Variants in FAM135B observed in about 807,000 individuals in gnomAD.
FAM135B encodes the protein family with sequence similarity 135 member B.
A neutral mutation model predicts 127.7 loss-of-function variants in FAM135B; 43 were observed. The ratio of observed to expected loss-of-function variants is 0.34; its 90% CI spans 0.26 to 0.43. FAM135B has a LOEUF of 0.43. Among genes scored for constraint, FAM135B ranks in the 20% least tolerant of loss-of-function variants. The pLI is 1.00. For missense variants in FAM135B, 1,558 were observed against 1,725.6 expected, an observed-to-expected ratio of 0.90 and a Z score of 1.72; for synonymous variants, 670 against 665.1, an observed-to-expected ratio of 1.01 and a Z score of -0.11.
At position 138,150,624 on chromosome 8, in the gene FAM135B, C is replaced by T. The variant is rs180704220; in HGVS notation, c.3281+570G>A. ...CGGAGGCTGCAGTGAGCAGAGATTG[C>T]GTCACTGCACTCCAGCCTGGCGACA... On this transcript the variant is annotated intron_variant, in intron 13 of 19. Transcript: ENST00000395297. Among the ~76,000 whole-genome samples, 1,012 of 152,024 alleles carry T rather than the reference C, an allele frequency of 6.7e-3. 2 individuals carry two copies. Among genetic ancestry groups the T allele is most frequent in the Non-Finnish European group, 0.011 (770 of 67,988 alleles).
At chr8:138,322,039 G>A (rs1359290022) in intron 2 of FAM135B, among the ~76,000 whole-genome samples, 1 of 152,188 alleles carries the variant, frequency 6.6e-6, no homozygotes, top group Non-Finnish European at 1.5e-5. Flanking sequence ...GAACAATGGA[G>A]ACAGGCAGAC....
In FAM135B at chr8:138,151,336, C is replaced by G. The variant is rs1818123784; in HGVS notation, c.3139G>C (p.Val1047Leu). The change falls in exon 13 of 20, where the codon GTG (valine) becomes CTG (leucine). Residue 1047 changes from valine to leucine, a missense_variant. Val to Leu is a conservative substitution (Grantham distance 32). Around this residue, in one of 5 missense-constraint regions of FAM135B, gnomAD observed 923 missense variants for 865.3 expected, o/e 1.07. Coordinates refer to ENST00000395297, the MANE Select transcript of FAM135B (RefSeq NM_015912.4). ...CTATCLPFSS[V>L]PKETPARAGF... The stretch of plus-strand genomic sequence containing the variant: ...GCCCTGGCAGGGGTCTCCTTGGGCA[C>G]AGATGAGAAAGGGAGACAGGTGGCA... The G allele has an allele frequency of 1.2e-6, 2 of 1,613,968 alleles. No homozygotes were observed. The highest frequency in any genetic ancestry group is 8.5e-7 in the Non-Finnish European group (1 of 1,179,976).
intron 1 of FAM135B, among the ~76,000 whole-genome samples, chr8:138,372,534 G>A (rs981963140): frequency 6.6e-6 from 1 of 152,054 alleles, no homozygotes; most frequent in African/African-American, 2.4e-5. Context: ...AATGGCCCTG[G>A]GTGACCTTGG....
At chr8:138,200,390 T>C (rs1817015151) in intron 7 of FAM135B, among the ~76,000 whole-genome samples, 1 of 152,284 alleles carries the variant, frequency 6.6e-6, no homozygotes, top group South Asian at 2.1e-4. Flanking sequence ...GTAGAAAGTC[T>C]AGGAGGGCTT....
Position 138,394,686 on chromosome 8 carries a change from A to G in FAM135B, c.-19-26684T>C, listed in dbSNP as rs544921746. On this transcript the variant is annotated intron_variant, in intron 1 of 19. Coordinates refer to ENST00000395297, the MANE Select transcript of FAM135B (RefSeq NM_015912.4). The stretch of plus-strand genomic sequence containing the variant: ...TCCCATGTTCTGAGTCCTCTGCATG[A>G]GTTCTCTCGACCCCACAACAGGCCT... Among the ~76,000 whole-genome samples, 1,464 of 152,230 alleles carry G rather than the reference A, an allele frequency of 9.6e-3. 19 individuals carry two copies. The highest frequency in any genetic ancestry group is 0.034 in the African/African-American group (1,401 of 41,536).
In FAM135B at chr8:138,152,737, T is replaced by C. The variant is rs765411465; in HGVS notation, c.1738A>G (p.Ser580Gly). The change falls in exon 13 of 20, where the codon AGC (serine) becomes GGC (glycine). Residue 580 changes from serine (S) to glycine (G), a missense_variant. Physicochemically the swap from Ser to Gly is moderately conservative, Grantham distance 56. This residue lies in a region of FAM135B where 923 missense variants were observed against 865.3 expected (regional missense o/e 1.07). Coordinates refer to ENST00000395297, the MANE Select transcript of FAM135B (RefSeq NM_015912.4). ...TCTAATCCATACTTATCTCTAGAGC[T>C]CCTACTCTCATGCTGAGCATTGAAG... ...VAFNAQHESRSSRDKYGLDRT... is the reference protein window; with the variant it reads ...VAFNAQHESRGSRDKYGLDRT... The C allele has an allele frequency of 6.2e-7, 1 of 1,614,180 alleles. No individual in the cohort carries two copies. Among genetic ancestry groups the C allele is most frequent in the Admixed American group, 1.7e-5 (1 of 60,024 alleles).
chr8:138,478,480 G>T (rs115267552), intron 1 of FAM135B, among the ~76,000 whole-genome samples: 1 of 151,904 alleles, frequency 6.6e-6, no homozygotes, highest in South Asian at 2.1e-4. Context: ...TGCTTTTGTC[G>T]CAGCAATTAA....
In FAM135B at chr8:138,327,523, A is replaced by G. The variant is rs555961703; in HGVS notation, c.78-16603T>C. On this transcript the variant is annotated intron_variant, in intron 2 of 19. Transcript: ENST00000395297. ...ACATAAAATGACCCATAATAGCATG[A>G]AGAGTGCAAACATTCACAAGTCATG... is the stretch of plus-strand genomic sequence containing the variant. Among the ~76,000 whole-genome samples the G allele has an allele frequency of 3.9e-5, 6 of 152,336 alleles. No homozygotes were observed. The East Asian group carries it at 1.2e-3, about 29-fold the overall frequency.
chr8:138,132,501 C>T lies in FAM135B; in HGVS notation c.*92G>A. The stretch of plus-strand genomic sequence containing the variant: ...CCGTCCCCCAATGCTGTTGAAGCTT[C>T]ATTCTGAAATGGTGAGGTCTGTAAA... On this transcript the variant is annotated 3_prime_UTR_variant, in exon 20 of 20. Coordinates refer to ENST00000395297, the MANE Select transcript of FAM135B (RefSeq NM_015912.4). This position sits in a 1 kb window ranked among gnomAD's most constrained non-coding sequence, Gnocchi z 4.5. The T allele has an allele frequency of 9.3e-7, 1 of 1,072,742 alleles. No homozygotes were observed. The highest frequency in any genetic ancestry group is 1.4e-5 in the South Asian group (1 of 73,458). The allele number at this position is 1,072,742 out of a possible 1,614,324, so 66.5% of individuals were successfully genotyped here.
chr8:138,195,659 A>AACAC (rs889536031), intron 8 of FAM135B, among the ~76,000 whole-genome samples: 1 of 146,966 alleles, frequency 6.8e-6, no homozygotes, highest in Non-Finnish European at 1.5e-5. Context: ...CACACACACA[A>AACAC]ACACACACAC....
intron 9 of FAM135B, among the ~76,000 whole-genome samples, chr8:138,187,943 G>GAACCTCCATAAAACCTTT (rs1815737352): frequency 6.6e-6 from 1 of 152,172 alleles, no homozygotes; most frequent in South Asian, 2.1e-4. Context: ...TAATATCAGG[G>GAACCTCCATAAAACCTTT]AACCTCCATA....
At chr8:138,293,020 C>T (rs1243663039) in intron 3 of FAM135B, among the ~76,000 whole-genome samples, 2 of 152,024 alleles carry the variant, frequency 1.3e-5, no homozygotes, top group Non-Finnish European at 2.9e-5. Flanking sequence ...GTCTATAGTT[C>T]CAAATCAGGA....
At chr8:138,314,712 T>TAAATAAATAAATAAATAAATAAAAA (rs1826943425) in intron 2 of FAM135B, among the ~76,000 whole-genome samples, 2 of 149,238 alleles carry the variant, frequency 1.3e-5, no homozygotes, top group South Asian at 4.2e-4. Flanking sequence ...AATAAATAAA[T>TAAATAAATAAATAAATAAATAAAAA]AAATAAATAA....
At chr8:138,467,170 G>A (rs2131635783) in intron 1 of FAM135B, among the ~76,000 whole-genome samples, 1 of 152,318 alleles carries the variant, frequency 6.6e-6, no homozygotes, top group South Asian at 2.1e-4. Flanking sequence ...AGAAATTGGA[G>A]AACATAGTCT....
Position 138,136,634 on chromosome 8 carries a change from T to C in FAM135B, c.4015+513A>G, listed in dbSNP as rs1816688931. On this transcript the variant is annotated intron_variant, in intron 19 of 19. Transcript: ENST00000395297. ...CAAATTAACCAAAGGAAACCACAAA[T>C]GCCAGCCCACATCCATCTTGATTGT... 2.6e-5 allele frequency among the ~76,000 whole-genome samples: 4 copies of C among 152,290 alleles called. No individual in the cohort carries two copies. The South Asian group carries it at 8.3e-4, about 32-fold the overall frequency.
chr8:138,274,317 T>C (rs546322665), intron 3 of FAM135B, among the ~76,000 whole-genome samples: 2 of 152,274 alleles, frequency 1.3e-5, no homozygotes, highest in African/African-American at 4.8e-5. Context: ...GTAGGTTCCG[T>C]GATGCCCCAC....
chr8:138,228,406 G>A (rs941866227), intron 7 of FAM135B, among the ~76,000 whole-genome samples: 35 of 152,184 alleles, frequency 2.3e-4, no homozygotes, highest in Non-Finnish European at 8.8e-5. Context: ...CTGCAGGAGC[G>A]GGTGTTTTCT....
intron 1 of FAM135B, among the ~76,000 whole-genome samples, chr8:138,405,986 G>T (rs1833460954): frequency 6.6e-6 from 1 of 151,582 alleles, no homozygotes; most frequent in South Asian, 2.1e-4. Flanking sequence ...ATTTTTTCAT[G>T]TGTCTTTTGG....
chr8:138,428,077 T>C (rs1834995576), intron 1 of FAM135B, among the ~76,000 whole-genome samples: 1 of 152,226 alleles, frequency 6.6e-6, no homozygotes, highest in Non-Finnish European at 1.5e-5. Flanking sequence ...GGTGTCAAAC[T>C]TTGGGCTAAA....
Sources: gnomAD v4.1 joint callset for allele counts (sites outside exome capture counted in the v4.1 genomes callset) on GRCh38, gnomAD v4.1.1 for gene constraint, gnomAD v4.1.1 regional missense constraint, Gnocchi (gnomAD v3.1) non-coding constraint, MANE v1.5 for transcripts, NCBI Gene and HGNC (gene_info 2026-07-23, HGNC 2026-07-21) for gene names.